The following PAPPA2 variants were observed in gnomAD, a reference collection of about 807,000 sequenced individuals.
The protein encoded by PAPPA2 is pappalysin-2.
A neutral mutation model predicts 176.4 loss-of-function variants in PAPPA2; 86 were observed. The observed-to-expected ratio is 0.49, with a 90% confidence interval of 0.41 to 0.58. The LOEUF is 0.58. PAPPA2 is among the 20% of genes least tolerant of loss of function. The pLI, the probability that PAPPA2 is intolerant of heterozygous loss-of-function variation, is 0.00. For missense variants in PAPPA2, 2,073 were observed against 2,256.9 expected, an observed-to-expected ratio of 0.92 and a Z score of 1.65; for synonymous variants, 809 against 852.2, an observed-to-expected ratio of 0.95 and a Z score of 0.88.
chr1:176,721,462 C>A (rs1269861676), intron 12 of PAPPA2, among the ~76,000 whole-genome samples: 2 of 152,078 alleles, frequency 1.3e-5, no homozygotes, highest in African/African-American at 4.8e-5. Flanking sequence ...TAATGTGGGC[C>A]TGCTGGCAAT....
chr1:176,477,335 C>A (rs1652174194), intron 1 of PAPPA2, among the ~76,000 whole-genome samples: 1 of 152,128 alleles, frequency 6.6e-6, no homozygotes, highest in Admixed American at 6.5e-5. Flanking sequence ...ATAAAACATG[C>A]ATTTTTTATT....
At position 176,542,208 on chromosome 1, in the gene PAPPA2, A is replaced by T. The variant is rs185340908; in HGVS notation, c.-916-13199A>T. ...ACTATGTTTGGATTTTCAAAACCAA[A>T]TATTTGCCATAAAAATGGGATTTCT... On this transcript the variant is annotated intron_variant, in intron 1 of 22. Coordinates refer to ENST00000367662, the MANE Select transcript of PAPPA2 (RefSeq NM_020318.3). Among the ~76,000 whole-genome samples the T allele has an allele frequency of 4.5e-3, 689 of 152,302 alleles. 5 individuals are homozygous for T. The highest frequency in any genetic ancestry group is 6.0e-3 in the Non-Finnish European group (411 of 68,026).
At chr1:176,769,909 T>A in intron 16 of PAPPA2, 125 bp downstream of exon 16, 1 of 1,082,478 alleles carries the variant, frequency 9.2e-7, no homozygotes, top group Non-Finnish European at 1.3e-6. Context: ...CACCATCTTC[T>A]GATAACTCCA....
rs115327428 is a variant in PAPPA2 at position 176,465,811 on chromosome 1, C to T, written c.-917+2393C>T. ...CTCCCTCCTGCCACTCTCCACCTTCCGGTAGGCCCCAGTGTGTGTTGTTCC... is the reference window on the plus strand; with the variant it reads ...CTCCCTCCTGCCACTCTCCACCTTCTGGTAGGCCCCAGTGTGTGTTGTTCC... On this transcript the variant is annotated intron_variant, in intron 1 of 22. Coordinates refer to ENST00000367662, the MANE Select transcript of PAPPA2 (RefSeq NM_020318.3). 7.4e-3 allele frequency among the ~76,000 whole-genome samples: 1,130 copies of T among 152,136 alleles called. 14 individuals carry two copies. The highest frequency in any genetic ancestry group is 0.025 in the African/African-American group (1,034 of 41,496).
In PAPPA2 at chr1:176,474,408, C is replaced by T. The variant is rs143120157; in HGVS notation, c.-917+10990C>T. Reference sequence around the variant, plus strand: ...TTCCCGTCCATAGCTCATTGACCAGCGCTGGTCATATGGCTGCCTAACGGC... The same window carrying T: ...TTCCCGTCCATAGCTCATTGACCAGTGCTGGTCATATGGCTGCCTAACGGC... On this transcript the variant is annotated intron_variant, in intron 1 of 22. Coordinates refer to ENST00000367662, the MANE Select transcript of PAPPA2 (RefSeq NM_020318.3). Among the ~76,000 whole-genome samples, 634 of 152,290 alleles carry T rather than the reference C, an allele frequency of 4.2e-3. 3 individuals are homozygous for T. Among genetic ancestry groups the T allele is most frequent in the African/African-American group, 0.014 (590 of 41,556 alleles).
At chr1:176,549,316 C>T (rs1650812076) in intron 1 of PAPPA2, among the ~76,000 whole-genome samples, 1 of 152,078 alleles carries the variant, frequency 6.6e-6, no homozygotes, top group Non-Finnish European at 1.5e-5. Flanking sequence ...GTCATAGGTG[C>T]CCACTGCTAA....
rs557875910 is a variant in PAPPA2, at chr1:176,842,662, A to G, written c.*208A>G. 2.0e-5 allele frequency: 11 copies of G among 555,364 alleles called. No homozygotes were observed. Among genetic ancestry groups the G allele is most frequent in the Admixed American group, 1.3e-4 (4 of 30,214 alleles). 34.4% of individuals were successfully genotyped at this position (555,364 alleles called of 1,614,324 possible). Reference sequence around the variant, plus strand: ...CCCAAGTAGGAGAGAATCATAGGCAAAAGTTTCTTTAAAGTGGCAGTTGAT... The same window carrying G: ...CCCAAGTAGGAGAGAATCATAGGCAGAAGTTTCTTTAAAGTGGCAGTTGAT... On this transcript the variant is annotated 3_prime_UTR_variant, in exon 23 of 23. Transcript: ENST00000367662.
chr1:176,609,088 A>T (rs1654769137), intron 3 of PAPPA2, among the ~76,000 whole-genome samples: 1 of 152,236 alleles, frequency 6.6e-6, no homozygotes, highest in Admixed American at 6.5e-5. Context: ...AAGTTCCTAT[A>T]GTAATCTAGA....
chr1:176,701,094 A>G (rs573700922), intron 8 of PAPPA2, among the ~76,000 whole-genome samples: 2 of 152,022 alleles, frequency 1.3e-5, no homozygotes, highest in South Asian at 2.1e-4. Context: ...AAGGCCAATA[A>G]TATCTCATTT....
At chr1:176,478,117 T>C (rs1015776155) in intron 1 of PAPPA2, among the ~76,000 whole-genome samples, 33 of 152,214 alleles carry the variant, frequency 2.2e-4, no homozygotes, top group African/African-American at 6.8e-4. Flanking sequence ...TAGCTTCTGC[T>C]ATTAAAAAGA....
At chr1:176,746,918 C>T (rs944723709) in intron 14 of PAPPA2, among the ~76,000 whole-genome samples, 4 of 152,146 alleles carry the variant, frequency 2.6e-5, no homozygotes, top group East Asian at 1.9e-4. Context: ...TATTCATGTG[C>T]GTTTGTGTAT....
chr1:176,618,865 G>C (rs571884309), intron 3 of PAPPA2, among the ~76,000 whole-genome samples: 1 of 152,144 alleles, frequency 6.6e-6, no homozygotes, highest in South Asian at 2.1e-4. Flanking sequence ...GTGGGCTGTG[G>C]GGGCATAAAT....
intron 8 of PAPPA2, among the ~76,000 whole-genome samples, chr1:176,700,092 C>G (rs890891126): frequency 1.3e-5 from 2 of 152,194 alleles, no homozygotes; most frequent in African/African-American, 4.8e-5. Context: ...ATTTTCCCCC[C>G]TCACACCCCA....
chr1:176,478,513 T>A (rs1652242030), intron 1 of PAPPA2, among the ~76,000 whole-genome samples: 1 of 152,242 alleles, frequency 6.6e-6, no homozygotes, highest in Non-Finnish European at 1.5e-5. Context: ...CATGAAGTAT[T>A]TGGCAGGGTG....
chr1:176,694,651 C>T (rs1226943237), intron 6 of PAPPA2, among the ~76,000 whole-genome samples: 3 of 152,186 alleles, frequency 2.0e-5, no homozygotes, highest in Non-Finnish European at 4.4e-5. Flanking sequence ...GAGGCAAGCC[C>T]CTTGAAGTGA....
chr1:176,572,232 T>C (rs1652388076), intron 2 of PAPPA2, among the ~76,000 whole-genome samples: 1 of 152,324 alleles, frequency 6.6e-6, no homozygotes, highest in South Asian at 2.1e-4. Flanking sequence ...GGAGTTTCAA[T>C]AAGAAAATGT....
intron 21 of PAPPA2, among the ~76,000 whole-genome samples, chr1:176,802,426 G>T (rs1665721878): frequency 6.6e-6 from 1 of 152,104 alleles, no homozygotes; most frequent in African/African-American, 2.4e-5. Context: ...GGGGCAAATT[G>T]GCAGACACTT....
chr1:176,526,867 G>T (rs538659055), intron 1 of PAPPA2, among the ~76,000 whole-genome samples: 47 of 152,242 alleles, frequency 3.1e-4, no homozygotes, highest in Non-Finnish European at 6.0e-4. Context: ...TGTCCCGCCA[G>T]AGATTCTTCC....
Position 176,537,063 on chromosome 1 carries a change from T to G in PAPPA2, c.-916-18344T>G, listed in dbSNP as rs1384766613. ...CCAGAGCCCATGCATTCAGCCTTCA[T>G]AACATACTTTCTCCATTCATGGCCC... On this transcript the variant is annotated intron_variant, in intron 1 of 22. Transcript: ENST00000367662. 5.3e-5 allele frequency among the ~76,000 whole-genome samples: 8 copies of G among 152,204 alleles called. 1 individual carries two copies. Among genetic ancestry groups the G allele is most frequent in the Non-Finnish European group, 1.2e-4 (8 of 68,034 alleles).
Sources: gnomAD v4.1 joint callset for allele counts (sites outside exome capture counted in the v4.1 genomes callset) on GRCh38, gnomAD v4.1.1 for gene constraint, MANE v1.5 for transcripts, NCBI Gene and HGNC (gene_info 2026-07-23, HGNC 2026-07-21) for gene names.